The following EYS variants were observed in gnomAD, a reference collection of about 807,000 sequenced individuals.
The protein encoded by EYS is protein eyes shut homolog.
EYS carries 250 observed loss-of-function variants against 282.1 expected under a neutral mutation model. The ratio of observed to expected loss-of-function variants is 0.89; its 90% CI spans 0.80 to 0.98. The LOEUF (loss-of-function observed/expected upper bound fraction) is 0.98, where lower values mean the gene tolerates loss of function less well. Among genes scored for constraint, EYS ranks in the 50% least tolerant of loss-of-function variants. The pLI is 0.00. For synonymous variants in EYS, 1,355 were observed against 1,282.9 expected, an observed-to-expected ratio of 1.06 and a Z score of -1.20; for missense variants, 4,016 against 3,709.0, an observed-to-expected ratio of 1.08 and a Z score of -2.15.
chr6:65,450,011 G>A (rs1764346147), intron 5 of EYS, among the ~76,000 whole-genome samples: 1 of 152,126 alleles, frequency 6.6e-6, no homozygotes, highest in Non-Finnish European at 1.5e-5. Flanking sequence ...AGTTTAGTGT[G>A]TAAAACAGAA....
chr6:64,343,428 G>T (rs1310026200), intron 29 of EYS, among the ~76,000 whole-genome samples: 1 of 152,020 alleles, frequency 6.6e-6, no homozygotes, highest in Non-Finnish European at 1.5e-5. Context: ...CAACTACATG[G>T]AAACTGAACA....
intron 26 of EYS, among the ~76,000 whole-genome samples, chr6:64,448,523 T>C (rs1775200869): frequency 6.6e-6 from 1 of 152,170 alleles, no homozygotes; most frequent in African/African-American, 2.4e-5. Context: ...TCTCCCAGTA[T>C]GCAGCTTGAG....
chr6:64,515,075 A>T (rs1244024407), intron 26 of EYS, among the ~76,000 whole-genome samples: 6 of 151,660 alleles, frequency 4.0e-5, no homozygotes, highest in African/African-American at 1.5e-4. Context: ...TCCACTGTTG[A>T]TTTTCTACTA....
rs540503446 is a variant in EYS, at chr6:64,732,364, A to G, written c.3443+81014T>C. Reference sequence around the variant, plus strand: ...GACTGGATTGCAGAGAAAACTGTAAATGTTTTAACACACTAGTGTTTCTAC... The same window carrying G: ...GACTGGATTGCAGAGAAAACTGTAAGTGTTTTAACACACTAGTGTTTCTAC... On this transcript the variant is annotated intron_variant, in intron 22 of 42. Coordinates refer to ENST00000503581, the MANE Select transcript of EYS (RefSeq NM_001142800.2). Among the ~76,000 whole-genome samples the G allele has an allele frequency of 1.4e-4, 22 of 152,240 alleles. No individual in the cohort carries two copies. The South Asian group carries it at 3.9e-3, about 27-fold the overall frequency.
chr6:65,599,942 G>A (rs1238110527), intron 2 of EYS, among the ~76,000 whole-genome samples: 1 of 152,038 alleles, frequency 6.6e-6, no homozygotes, highest in Non-Finnish European at 1.5e-5. Flanking sequence ...AATTGGTTAT[G>A]TGCTGTTGAC....
At chr6:65,220,275 G>A (rs1050716895) in intron 12 of EYS, among the ~76,000 whole-genome samples, 1 of 151,966 alleles carries the variant, frequency 6.6e-6, no homozygotes, top group Non-Finnish European at 1.5e-5. Flanking sequence ...CTCTTCATTA[G>A]GTACATTTTT....
intron 26 of EYS, among the ~76,000 whole-genome samples, chr6:64,511,362 T>C (rs1777397601): frequency 6.6e-6 from 1 of 151,562 alleles, no homozygotes; most frequent in South Asian, 2.1e-4. Context: ...AATAGTTTGT[T>C]TGCTTCCTTA....
intron 29 of EYS, among the ~76,000 whole-genome samples, chr6:64,386,082 T>C (rs1772899666): frequency 6.6e-6 from 1 of 152,222 alleles, no homozygotes; most frequent in Non-Finnish European, 1.5e-5. Context: ...GTTAATGATC[T>C]TTTGTGAACC....
intron 33 of EYS, among the ~76,000 whole-genome samples, chr6:64,002,698 G>A (rs1768153135): frequency 6.6e-6 from 1 of 152,268 alleles, no homozygotes; most frequent in Non-Finnish European, 1.5e-5. Context: ...TGGGAATGAA[G>A]ATGATTTTGT....
At chr6:64,831,607 T>G (rs192009348) in intron 19 of EYS, among the ~76,000 whole-genome samples, 1 of 152,046 alleles carries the variant, frequency 6.6e-6, no homozygotes, top group Admixed American at 6.6e-5. Context: ...ATTTAAATCT[T>G]ATTTCTCCTT....
intron 28 of EYS, among the ~76,000 whole-genome samples, chr6:64,425,300 G>A (rs991323716): frequency 1.3e-4 from 20 of 152,084 alleles, no homozygotes; most frequent in African/African-American, 4.8e-4. Context: ...AAACACCCTG[G>A]CCATAGTGGC....
intron 19 of EYS, among the ~76,000 whole-genome samples, chr6:64,873,042 T>C (rs1445104321): frequency 1.3e-5 from 2 of 152,018 alleles, no homozygotes; most frequent in Non-Finnish European, 2.9e-5. Context: ...GGAACTAAAA[T>C]AGAGCATTGT....
chr6:64,951,953 T>C (rs1284167340), intron 14 of EYS, among the ~76,000 whole-genome samples: 5 of 151,766 alleles, frequency 3.3e-5, no homozygotes, highest in Admixed American at 3.3e-4. Flanking sequence ...AAAAAGAGAG[T>C]GACCACAGAT....
intron 12 of EYS, among the ~76,000 whole-genome samples, chr6:65,091,754 C>T (rs1774575056): frequency 6.6e-6 from 1 of 152,030 alleles, no homozygotes; most frequent in Non-Finnish European, 1.5e-5. Context: ...GGGTTTGGAG[C>T]AGAGGCGCAC....
chr6:63,891,067 A>C (rs1217314501), intron 35 of EYS, among the ~76,000 whole-genome samples: 1 of 152,212 alleles, frequency 6.6e-6, no homozygotes, highest in African/African-American at 2.4e-5. Context: ...ATAGACCAAT[A>C]ACAAGTTCTG....
chr6:64,076,503 C>T (rs1021683476), intron 32 of EYS, among the ~76,000 whole-genome samples: 3 of 151,678 alleles, frequency 2.0e-5, no homozygotes, highest in Admixed American at 6.6e-5. Context: ...GGGAGGGACC[C>T]GGTGGGAGAT....
chr6:64,169,100 T>C (rs577479005), intron 31 of EYS, among the ~76,000 whole-genome samples: 133 of 152,312 alleles, frequency 8.7e-4, no homozygotes, highest in Non-Finnish European at 1.5e-3. Flanking sequence ...ATTTGTGAGC[T>C]CCATAACAGT....
At chr6:64,143,575 T>C (rs1455443597) in intron 31 of EYS, among the ~76,000 whole-genome samples, 1 of 152,116 alleles carries the variant, frequency 6.6e-6, no homozygotes, top group Non-Finnish European at 1.5e-5. Flanking sequence ...CTTTGAGAGA[T>C]TCAGGTGGAG....
At chr6:64,677,021 C>A (rs146791456) in intron 22 of EYS, among the ~76,000 whole-genome samples, 1 of 152,008 alleles carries the variant, frequency 6.6e-6, no homozygotes, top group Non-Finnish European at 1.5e-5. Context: ...TCAAAACAAG[C>A]GGAAGACACT....
Sources: gnomAD v4.1 joint callset for allele counts (sites outside exome capture counted in the v4.1 genomes callset) on GRCh38, gnomAD v4.1.1 for gene constraint, MANE v1.5 for transcripts, NCBI Gene and HGNC (gene_info 2026-07-23, HGNC 2026-07-21) for gene names.